The following CACNA1S variants were observed in gnomAD, a reference collection of about 807,000 sequenced individuals.
CACNA1S encodes the protein calcium voltage-gated channel subunit alpha1 S.
Under a neutral mutation model 207.4 loss-of-function variants are expected in CACNA1S, and 126 were observed. The ratio of observed to expected loss-of-function variants is 0.61; its 90% CI spans 0.53 to 0.70. CACNA1S has a LOEUF of 0.70. CACNA1S is among the 30% of genes least tolerant of loss of function. The pLI is 0.00. For synonymous variants in CACNA1S, 960 were observed against 932.7 expected (o/e 1.03, Z -0.53); for missense variants, 2,349 against 2,422.8 (o/e 0.97, Z 0.64).
Position 201,054,366 on chromosome 1 carries a change from C to T in CACNA1S, c.3666+139G>A, listed in dbSNP as rs534152651. On this transcript the variant is annotated intron_variant, in intron 29 of 43. Transcript: ENST00000362061. ...GCCCCCACCCGAGCCTAGCCTGGGT[C>T]CTCAGCAGGGCCTGCCCTGGGGAGG... 87 of 845,254 alleles carry T rather than the reference C, an allele frequency of 1.0e-4. No individual in the cohort carries two copies. The East Asian group carries it at 2.1e-3, about 21-fold the overall frequency. The allele number at this position is 845,254 out of a possible 1,614,324, so 52.4% of individuals were successfully genotyped here. A position where few individuals can be genotyped will look rare whatever the true frequency, so the allele number is the denominator to read the frequency against.
chr1:201,091,801 G>A lies in CACNA1S; in HGVS notation c.542-9C>T, dbSNP rs767627454. 1.2e-6 allele frequency: 2 copies of A among 1,612,402 alleles called. No homozygotes were observed. The highest frequency in any genetic ancestry group is 3.4e-5 in the Admixed American group (2 of 59,588). ...CAGGACCACCTGCAGGCCTGCAGAG[G>A]CAGGCAGGGAAGGGAAAAGAGGAGT... On this transcript the variant is annotated splice_polypyrimidine_tract_variant and intron_variant, in intron 4 of 43. Coordinates refer to ENST00000362061, the MANE Select transcript of CACNA1S (RefSeq NM_000069.3).
At chr1:201,097,928 T>C (rs973776589) in intron 2 of CACNA1S, among the ~76,000 whole-genome samples, 5 of 152,144 alleles carry the variant, frequency 3.3e-5, no homozygotes, top group African/African-American at 9.7e-5. Flanking sequence ...GCAATGTTCT[T>C]CCCCAGATAT....
intron 2 of CACNA1S, among the ~76,000 whole-genome samples, chr1:201,097,385 C>A (rs1158260332): frequency 6.6e-6 from 1 of 152,144 alleles, no homozygotes; most frequent in Non-Finnish European, 1.5e-5. Flanking sequence ...CTGCTGGCCA[C>A]CCCGTCAATC....
intron 3 of CACNA1S, among the ~76,000 whole-genome samples, chr1:201,092,877 C>G (rs1662289678): frequency 6.6e-6 from 1 of 152,218 alleles, no homozygotes; most frequent in Non-Finnish European, 1.5e-5. Context: ...GGACAGCATA[C>G]TGGTTGAGCA....
chr1:201,103,792 C>A (rs956350365), intron 2 of CACNA1S, among the ~76,000 whole-genome samples: 4 of 152,298 alleles, frequency 2.6e-5, no homozygotes, highest in Admixed American at 2.6e-4. Context: ...AGTTGGCGAG[C>A]GCATTCCAGA....
intron 28 of CACNA1S, among the ~76,000 whole-genome samples, chr1:201,056,799 T>C (rs1660862359): frequency 6.6e-6 from 1 of 152,160 alleles, no homozygotes; most frequent in Non-Finnish European, 1.5e-5. Context: ...GCCTCCCTGC[T>C]CCTTTCATCC....
chr1:201,084,519 G>A (rs559673117), intron 9 of CACNA1S, among the ~76,000 whole-genome samples: 98 of 152,324 alleles, frequency 6.4e-4, no homozygotes, highest in Non-Finnish European at 1.2e-3. Context: ...ACAATGGCGA[G>A]AGAGCGTGGA....
rs762752099 is a variant in CACNA1S, at chr1:201,044,326, A to C, written c.4797+2T>G. On this transcript the variant is annotated splice_donor_variant, in intron 39 of 43. Coordinates refer to ENST00000362061, the MANE Select transcript of CACNA1S (RefSeq NM_000069.3). LOFTEE classifies it high-confidence loss of function. ...CTAGGGGTGCTCCTGGCTCTCCCTC[A>C]CCCGGAATATTCCCTCCTCCATCGC... The C allele has an allele frequency of 1.9e-6, 3 of 1,612,660 alleles. No homozygotes were observed. Among genetic ancestry groups the C allele is most frequent in the Non-Finnish European group, 2.5e-6 (3 of 1,179,424 alleles).
At chr1:201,062,234 G>T in intron 23 of CACNA1S, 144 bp from the exon 24 acceptor site, 1 of 1,114,186 alleles carries the variant, frequency 9.0e-7, no homozygotes. Context: ...GGGCGAGTCC[G>T]AGGAAAGGGG....
intron 2 of CACNA1S, among the ~76,000 whole-genome samples, chr1:201,094,692 T>C (rs182024123): frequency 4.6e-5 from 7 of 152,280 alleles, no homozygotes; most frequent in African/African-American, 1.7e-4. Context: ...TGCCCTCACA[T>C]TGGCTTCCTT....
intron 16 of CACNA1S, 130 bp from the exon 17 acceptor site, chr1:201,070,534 C>G: frequency 7.8e-7 from 1 of 1,277,980 alleles, no homozygotes. Context: ...ACTTGGGACC[C>G]TAGGGCTTTG....
At chr1:201,096,530 C>A (rs141958745) in intron 2 of CACNA1S, among the ~76,000 whole-genome samples, 1 of 152,314 alleles carries the variant, frequency 6.6e-6, no homozygotes, top group Non-Finnish European at 1.5e-5. Flanking sequence ...AAGTCACCAA[C>A]CTTCCTAAAA....
chr1:201,045,321 A>G (rs1660436458), intron 38 of CACNA1S, among the ~76,000 whole-genome samples: 1 of 152,226 alleles, frequency 6.6e-6, no homozygotes, highest in Non-Finnish European at 1.5e-5. Context: ...TCCAGATGGA[A>G]GAGATGAAAG....
intron 25 of CACNA1S, 121 bp downstream of exon 25, chr1:201,061,146 G>A (rs1016861010): frequency 1.2e-6 from 1 of 845,316 alleles, no homozygotes. Flanking sequence ...CTAGGGCTTG[G>A]CATCAAATGC....
At position 201,040,179 on chromosome 1, in the gene CACNA1S, C is replaced by T. The variant is rs1660086176; in HGVS notation, c.5370+52G>A. ...CTACCCTCTCTCCACGCCAGGCCAT[C>T]ACAGGGCCACCACTCAATGCAGCCA... is the stretch of plus-strand genomic sequence containing the variant. On this transcript the variant is annotated intron_variant, in intron 43 of 43. Coordinates refer to ENST00000362061, the MANE Select transcript of CACNA1S (RefSeq NM_000069.3). The T allele has an allele frequency of 6.8e-6, 11 of 1,612,114 alleles. No individual in the cohort carries two copies. In the South Asian group the frequency reaches 1.2e-4, roughly 18 times the overall value.
intron 34 of CACNA1S, 29 bp downstream of exon 34, chr1:201,050,360 C>T (rs749550909): frequency 5.6e-6 from 9 of 1,613,546 alleles, no homozygotes; most frequent in Admixed American, 3.3e-5. Context: ...GATGGAGGGC[C>T]CAGCACAGAG....
rs556582751 is a variant in CACNA1S at position 201,089,242 on chromosome 1, GC to G, written c.900+15del. 5.0e-6 allele frequency: 8 copies of G among 1,612,716 alleles called. No individual in the cohort carries two copies. In the Admixed American group the frequency reaches 1.2e-4, roughly 24 times the overall value. On this transcript the variant is annotated intron_variant, in intron 6 of 43. Coordinates refer to ENST00000362061, the MANE Select transcript of CACNA1S (RefSeq NM_000069.3). ...GATGAAGGGAGATGGTTCTGCAGGC[GC>G]GGGCCCAGACCCACCCAGTAAAGGA...
At position 201,069,154 on chromosome 1, in the gene CACNA1S, C is replaced by T; in HGVS notation, c.2533G>A (p.Val845Met). The change falls in exon 19 of 44, where the codon GTG becomes ATG. Residue 845 changes from valine (V) to methionine (M), a missense_variant. Val to Met is a conservative substitution (Grantham distance 21). Coordinates refer to ENST00000362061, the MANE Select transcript of CACNA1S (RefSeq NM_000069.3). ...TCACTCACCTTGAGGACAATCTCCA[C>T]AGTGAAGACAGAGGTGAACCCGATG... ...FDIGFTSVFT[V>M]EIVLKMTTYG... 6.2e-7 allele frequency: 1 copy of T among 1,614,136 alleles called. No individual in the cohort carries two copies. Among genetic ancestry groups the T allele is most frequent in the Non-Finnish European group, 8.5e-7 (1 of 1,179,974 alleles).
intron 15 of CACNA1S, among the ~76,000 whole-genome samples, chr1:201,073,118 C>A (rs1046634342): frequency 6.6e-6 from 1 of 152,190 alleles, no homozygotes; most frequent in Non-Finnish European, 1.5e-5. Flanking sequence ...TTCCCCAGGC[C>A]AGGACCTCGA....
Sources: gnomAD v4.1 joint callset for allele counts (sites outside exome capture counted in the v4.1 genomes callset) on GRCh38, gnomAD v4.1.1 for gene constraint, MANE v1.5 for transcripts, NCBI Gene and HGNC (gene_info 2026-07-23, HGNC 2026-07-21) for gene names.